Variants in CCDC40 observed in about 807,000 individuals in gnomAD.
CCDC40 encodes coiled-coil domain 40 molecular ruler complex subunit, also known as coiled-coil domain-containing protein 40.
In CCDC40, 104 loss-of-function variants were observed where a neutral mutation model predicts 124.5. The ratio of observed to expected loss-of-function variants is 0.84; its 90% CI spans 0.71 to 0.98. The LOEUF (loss-of-function observed/expected upper bound fraction) is 0.98. CCDC40 is among the 50% of genes least tolerant of loss of function. CCDC40 has a pLI of 0.00. For synonymous variants in CCDC40, 580 were observed against 602.9 expected (o/e 0.96, Z 0.56); for missense variants, 1,463 against 1,503.9 (o/e 0.97, Z 0.45).
Position 80,087,268 on chromosome 17 carries a change from G to A in CCDC40, c.2450-339G>A, listed in dbSNP as rs530646167. 7.0e-5 allele frequency: 28 copies of A among 401,238 alleles called. 2 individuals are homozygous for A. Among genetic ancestry groups the A allele is most frequent in the Middle Eastern group, 7.8e-4 (1 of 1,274 alleles). The allele number at this position is 401,238 out of a possible 1,614,324, so 24.9% of individuals were successfully genotyped here. ...AGTGTCTGAGCATCAACCAGGTCCC[G>A]GTGCTCCACAGATTTGCAAGTGTCT... On this transcript the variant is annotated intron_variant, in intron 14 of 19. Transcript: ENST00000397545. The surrounding 1 kb of genome is among the most constrained non-coding windows in gnomAD (Gnocchi z 4.5).
chr17:80,045,932 C>A (rs2143600077), intron 3 of CCDC40, among the ~76,000 whole-genome samples: 1 of 152,098 alleles, frequency 6.6e-6, no homozygotes, highest in Non-Finnish European at 1.5e-5. Flanking sequence ...ATCCTTACAG[C>A]CAAGGAGAAT....
At chr17:80,089,425 T>C in intron 16 of CCDC40, 2 of 326,620 alleles carry the variant, frequency 6.1e-6, no homozygotes, top group Non-Finnish European at 1.2e-5. Flanking sequence ...AGACTATTGG[T>C]GTATTCAGGC....
In CCDC40 at chr17:80,099,670, C is replaced by T. The variant is rs766716173; in HGVS notation, c.3324C>T (p.Ala1108=). ...TGGACAAGCGACTGGCTCTCATCGCCACCATCCTGGACCGCGTGCGGGACG... is the reference window on the plus strand; with the variant it reads ...TGGACAAGCGACTGGCTCTCATCGCTACCATCCTGGACCGCGTGCGGGACG... ...QRLDKRLALI[A]TILDRVRDEY... is the part of the protein sequence containing the mutation. Residue 1108 remains alanine, a synonymous_variant, in exon 20 of 20, where the codon GCC becomes GCT. Coordinates refer to ENST00000397545, the MANE Select transcript of CCDC40 (RefSeq NM_017950.4). 1 of 1,613,944 alleles carries T rather than the reference C, an allele frequency of 6.2e-7. No homozygotes were observed.
Position 80,066,226 on chromosome 17 carries a change from T to C in CCDC40, c.1562+620T>C. 1.4e-6 allele frequency: 1 copy of C among 702,438 alleles called. No individual in the cohort carries two copies. The highest frequency in any genetic ancestry group is 2.6e-6 in the Non-Finnish European group (1 of 384,762). The allele number at this position is 702,438 out of a possible 1,614,324, so 43.5% of individuals were successfully genotyped here. A position where few individuals can be genotyped will look rare whatever the true frequency, so the allele number is the denominator to read the frequency against. On this transcript the variant is annotated intron_variant, in intron 10 of 19. Transcript: ENST00000397545. The surrounding 1 kb of genome is among the most constrained non-coding windows in gnomAD (Gnocchi z 4.4). ...AACTTCCCCTCCACCTTTCGTAGTC[T>C]CCACCCCTTGTGCCCAGCACAGAGC... is the stretch of plus-strand genomic sequence containing the variant.
At chr17:80,046,969 C>A (rs961763689) in intron 3 of CCDC40, among the ~76,000 whole-genome samples, 1 of 152,154 alleles carries the variant, frequency 6.6e-6, no homozygotes, top group Non-Finnish European at 1.5e-5. Context: ...CCTCAGCCTC[C>A]CAAGTAGCTG....
rs2038599817 is a variant in CCDC40, at chr17:80,086,920, C to T, written c.2450-687C>T. On this transcript the variant is annotated intron_variant, in intron 14 of 19. Coordinates refer to ENST00000397545, the MANE Select transcript of CCDC40 (RefSeq NM_017950.4). This position sits in a 1 kb window ranked among gnomAD's most constrained non-coding sequence, Gnocchi z 5.5. ...TGGTGAGTAGCAAGTCCCAAAAGAC[C>T]CTATGGAGCTGTCAGCTGAGTATCG... 1 of 162,784 alleles carries T rather than the reference C, an allele frequency of 6.1e-6. No individual in the cohort carries two copies. Among genetic ancestry groups the T allele is most frequent in the African/African-American group, 2.4e-5 (1 of 41,474 alleles). 10.1% of individuals were successfully genotyped at this position (162,784 alleles called of 1,614,324 possible).
intron 18 of CCDC40, 119 bp from the exon 19 acceptor site, chr17:80,097,126 G>T: frequency 2.7e-6 from 3 of 1,121,470 alleles, no homozygotes; most frequent in Non-Finnish European, 4.0e-6. Context: ...ATTCCTCTTT[G>T]GGAGCCTCCC....
intron 10 of CCDC40, among the ~76,000 whole-genome samples, chr17:80,071,831 CTT>C (rs35874742): frequency 0.031 from 2,714 of 88,870 alleles, 105 homozygotes; most frequent in African/African-American, 0.11. Flanking sequence ...GGTTTTTCAG[CTT>C]TTTTTTTTTT....
intron 4 of CCDC40, 172 bp downstream of exon 4, chr17:80,047,574 T>C (rs1381208300): frequency 2.9e-6 from 2 of 681,176 alleles, no homozygotes; most frequent in East Asian, 5.5e-5. Flanking sequence ...GGGCATTTAC[T>C]GTTTTATCTC....
At chr17:80,062,005 G>T (rs2037911950) in intron 9 of CCDC40, among the ~76,000 whole-genome samples, 1 of 152,152 alleles carries the variant, frequency 6.6e-6, no homozygotes, top group Admixed American at 6.5e-5. Flanking sequence ...AGCTACTCAG[G>T]AGGCTGAAGC....
chr17:80,072,431 TTCTGTTGC>T (rs2038215827), intron 10 of CCDC40, among the ~76,000 whole-genome samples: 1 of 152,138 alleles, frequency 6.6e-6, no homozygotes, highest in Admixed American at 6.6e-5. Flanking sequence ...GTGTTAGGAG[TTCTGTTGC>T]ACAGTTTGTA....
At chr17:80,098,661 G>T (rs954306099) in intron 19 of CCDC40, among the ~76,000 whole-genome samples, 4 of 152,178 alleles carry the variant, frequency 2.6e-5, no homozygotes, top group Non-Finnish European at 4.4e-5. Context: ...TGCCTAAGCC[G>T]GGCACGGTGG....
chr17:80,055,981 CATAT>C (rs1164782051), intron 7 of CCDC40, among the ~76,000 whole-genome samples: 2 of 26,100 alleles, frequency 7.7e-5, no homozygotes, highest in Non-Finnish European at 1.3e-4. Context: ...GGCTAATTTT[CATAT>C]ATATATATAT....
chr17:80,067,396 A>C, intron 10 of CCDC40: 1 of 608,608 alleles, frequency 1.6e-6, no homozygotes, highest in Non-Finnish European at 2.9e-6. Context: ...ACTTGTGTGC[A>C]ATTGCAAGAA....
chr17:80,044,349 C>T (rs888294943), intron 3 of CCDC40, among the ~76,000 whole-genome samples: 1 of 152,134 alleles, frequency 6.6e-6, no homozygotes, highest in South Asian at 2.1e-4. Flanking sequence ...TCACAAGTGA[C>T]AAATATAAAA....
intron 7 of CCDC40, among the ~76,000 whole-genome samples, chr17:80,056,012 A>ATTTTTTTTTTT (rs1278622929): frequency 1.3e-3 from 19 of 14,134 alleles, no homozygotes; most frequent in East Asian, 6.0e-3. Flanking sequence ...ATATATATAT[A>ATTTTTTTTTTT]TATATTTTTT....
At chr17:80,075,294 T>G (rs904130686) in intron 10 of CCDC40, among the ~76,000 whole-genome samples, 3 of 98,280 alleles carry the variant, frequency 3.1e-5, no homozygotes, top group Admixed American at 1.0e-4. Context: ...TTTTTTTTTT[T>G]GAGGTGGAGC....
chr17:80,050,276 C>T lies in CCDC40; in HGVS notation c.1152C>T (p.Arg384=), dbSNP rs2143617675. 2 of 1,560,592 alleles carry T rather than the reference C, an allele frequency of 1.3e-6. No individual in the cohort carries two copies. Among genetic ancestry groups the T allele is most frequent in the East Asian group, 4.8e-5 (2 of 41,532 alleles). ...CCTGCGCAGCCGCCAACGAGGAGCG[C>T]AAAAAGTGTAAGGCAACCCGGCAGC... ...TKTCAAANEE[R]KKLAALQTEM... Residue 384 remains arginine (R), a synonymous_variant, in exon 7 of 20, where the codon CGC becomes CGT. Coordinates refer to ENST00000397545, the MANE Select transcript of CCDC40 (RefSeq NM_017950.4).
chr17:80,090,070 G>T, intron 17 of CCDC40, 186 bp downstream of exon 17: 1 of 1,537,006 alleles, frequency 6.5e-7, no homozygotes, highest in South Asian at 1.2e-5. Context: ...CTGCACTCCA[G>T]CCGAGCACTG....
Sources: gnomAD v4.1 joint callset for allele counts (sites outside exome capture counted in the v4.1 genomes callset) on GRCh38, gnomAD v4.1.1 for gene constraint, Gnocchi (gnomAD v3.1) non-coding constraint, MANE v1.5 for transcripts, NCBI Gene and HGNC (gene_info 2026-07-23, HGNC 2026-07-21) for gene names.